The following RAD51B variants were observed in gnomAD, a reference collection of about 807,000 sequenced individuals.
RAD51B encodes RAD51 paralog B.
Under a neutral mutation model 42.2 loss-of-function variants are expected in RAD51B, and 38 were observed. The ratio of observed to expected loss-of-function variants is 0.90; its 90% CI spans 0.70 to 1.18. The LOEUF (loss-of-function observed/expected upper bound fraction) is 1.18. Among genes scored for constraint, RAD51B ranks in the 50% most tolerant of loss-of-function variants. The probability of loss-of-function intolerance (pLI) is 0.00; values close to 1 mark genes in which losing one functional copy is unlikely to be tolerated. For missense variants in RAD51B, 373 were observed against 400.7 expected (o/e 0.93, Z 0.59); for synonymous variants, 154 against 145.2 (o/e 1.06, Z -0.43).
intron 10 of RAD51B, among the ~76,000 whole-genome samples, chr14:68,543,957 ATAAAT>A (rs1888094411): frequency 6.6e-6 from 1 of 152,240 alleles, no homozygotes; most frequent in South Asian, 2.1e-4. Context: ...AAGTCAAAGA[ATAAAT>A]TAACCCCATT....
chr14:68,102,626 C>T (rs28834533), intron 7 of RAD51B, among the ~76,000 whole-genome samples: 2,692 of 152,270 alleles, frequency 0.018, 68 homozygotes, highest in African/African-American at 0.056. Context: ...CAAACTTTCC[C>T]ACATCTTCCT....
chr14:67,891,034 T>C (rs559347567), intron 7 of RAD51B, among the ~76,000 whole-genome samples: 464 of 152,286 alleles, frequency 3.0e-3, no homozygotes, highest in African/African-American at 0.011. Flanking sequence ...TTTTTACTGG[T>C]ATTTCCAAGG....
intron 7 of RAD51B, among the ~76,000 whole-genome samples, chr14:67,982,142 C>T (rs896799522): frequency 9.2e-5 from 14 of 152,052 alleles, no homozygotes; most frequent in African/African-American, 3.4e-4. Flanking sequence ...ACCATGTTGG[C>T]CAGACTGGTC....
intron 7 of RAD51B, among the ~76,000 whole-genome samples, chr14:68,021,260 A>G (rs1192444984): frequency 6.6e-6 from 1 of 152,196 alleles, no homozygotes; most frequent in African/African-American, 2.4e-5. Context: ...GGATAAAGGG[A>G]GAACATTGCC....
At chr14:67,948,931 C>CA (rs59465805) in intron 7 of RAD51B, among the ~76,000 whole-genome samples, 1,569 of 17,002 alleles carry the variant, frequency 0.092, 417 homozygotes, top group Non-Finnish European at 0.12. Flanking sequence ...GACTCTGTCT[C>CA]AAAAAAAAAA....
intron 9 of RAD51B, among the ~76,000 whole-genome samples, chr14:68,433,814 A>G (rs1241760641): frequency 6.6e-6 from 1 of 152,016 alleles, no homozygotes; most frequent in Non-Finnish European, 1.5e-5. Context: ...TTGGAGGGGG[A>G]GAGGCACTCT....
At chr14:67,896,970 A>G (rs2043442334) in intron 7 of RAD51B, among the ~76,000 whole-genome samples, 2 of 152,240 alleles carry the variant, frequency 1.3e-5, no homozygotes, top group African/African-American at 2.4e-5. Flanking sequence ...TCTTTGACAC[A>G]GGTATCAAGA....
rs370886137 is a variant in RAD51B, at chr14:68,398,232, G to C, written c.854-13192G>C. ...CAAGTCACTTCTCTGCCTATGAAAC[G>C]GGAATAAGGATTGTATCCATGTTGT... On this transcript the variant is annotated intron_variant, in intron 8 of 10. Coordinates refer to ENST00000471583, the MANE Select transcript of RAD51B (RefSeq NM_133510.4). Among the ~76,000 whole-genome samples the C allele has an allele frequency of 1.3e-3, 195 of 152,372 alleles. 5 individuals carry two copies. Among genetic ancestry groups the C allele is most frequent in the African/African-American group, 4.5e-3 (189 of 41,586 alleles).
At chr14:68,464,113 A>G (rs1452674593) in intron 9 of RAD51B, among the ~76,000 whole-genome samples, 1 of 152,250 alleles carries the variant, frequency 6.6e-6, no homozygotes, top group Non-Finnish European at 1.5e-5. Context: ...AACAATGTGT[A>G]GGATTTGTTC....
intron 7 of RAD51B, among the ~76,000 whole-genome samples, chr14:68,223,041 C>T (rs1227523249): frequency 6.6e-6 from 1 of 152,158 alleles, no homozygotes; most frequent in Non-Finnish European, 1.5e-5. Flanking sequence ...GGGCTAACTC[C>T]AACTCAGAAT....
At chr14:68,395,127 CT>C (rs2140027839) in intron 8 of RAD51B, among the ~76,000 whole-genome samples, 1 of 152,302 alleles carries the variant, frequency 6.6e-6, no homozygotes, top group Admixed American at 6.5e-5. Context: ...GACAATGTTG[CT>C]TTTTAAAGCC....
intron 7 of RAD51B, among the ~76,000 whole-genome samples, chr14:68,112,603 T>C (rs1171593591): frequency 6.6e-6 from 1 of 152,148 alleles, no homozygotes; most frequent in Non-Finnish European, 1.5e-5. Flanking sequence ...CATGTGATCA[T>C]GCTGGGGTGA....
chr14:68,258,447 A>T (rs1221195867), intron 7 of RAD51B, among the ~76,000 whole-genome samples: 5 of 151,856 alleles, frequency 3.3e-5, no homozygotes, highest in Non-Finnish European at 7.4e-5. Context: ...TCTCTCTCAC[A>T]CACACACACA....
intron 10 of RAD51B, among the ~76,000 whole-genome samples, chr14:68,603,669 TTCTGTTGAAGTG>T (rs1413050025): frequency 6.6e-6 from 1 of 152,204 alleles, no homozygotes; most frequent in Non-Finnish European, 1.5e-5. Context: ...TCTGTTTTAA[TTCTGTTGAAGTG>T]TCAGGTAACA....
At chr14:68,377,723 C>T (rs80225314) in intron 8 of RAD51B, among the ~76,000 whole-genome samples, 6,210 of 152,270 alleles carry the variant, frequency 0.041, 151 homozygotes, top group African/African-American at 0.058. Flanking sequence ...GCTCTGCTTT[C>T]GAAATCAAGC....
At chr14:68,585,148 C>A (rs1238876180) in intron 10 of RAD51B, among the ~76,000 whole-genome samples, 1 of 152,188 alleles carries the variant, frequency 6.6e-6, no homozygotes, top group Non-Finnish European at 1.5e-5. Context: ...GGTGCATTCC[C>A]ACCTCTGTGT....
chr14:68,608,697 C>G (rs928276009), intron 10 of RAD51B, among the ~76,000 whole-genome samples: 15 of 152,150 alleles, frequency 9.9e-5, no homozygotes, highest in Admixed American at 9.2e-4. Flanking sequence ...CAGCCCAGGC[C>G]CTCAAGGAGT....
intron 10 of RAD51B, among the ~76,000 whole-genome samples, chr14:68,593,970 G>A (rs758697564): frequency 2.0e-5 from 3 of 152,204 alleles, no homozygotes; most frequent in Non-Finnish European, 2.9e-5. Context: ...ACCCCTCAGC[G>A]GCTTGGGAAA....
intron 4 of RAD51B, among the ~76,000 whole-genome samples, chr14:67,837,826 A>G (rs2041297477): frequency 1.3e-5 from 2 of 152,178 alleles, no homozygotes; most frequent in Admixed American, 1.3e-4. Flanking sequence ...TCTTCTAGCT[A>G]TTTGAAAATA....
Sources: gnomAD v4.1 joint callset for allele counts (sites outside exome capture counted in the v4.1 genomes callset) on GRCh38, gnomAD v4.1.1 for gene constraint, MANE v1.5 for transcripts, NCBI Gene and HGNC (gene_info 2026-07-23, HGNC 2026-07-21) for gene names.